Variants in MDM2 observed in about 807,000 individuals in gnomAD.
MDM2 encodes the protein MDM2 proto-oncogene.
In MDM2, 11 loss-of-function variants were observed where a neutral mutation model predicts 64.3. That is an observed-to-expected ratio of 0.17 (90% CI 0.11 to 0.28). The LOEUF is 0.28. Ranked by LOEUF, MDM2 falls within the 10% of genes least tolerant of loss-of-function variation. MDM2 has a pLI of 1.00. For synonymous variants in MDM2, 194 were observed against 192.9 expected, an observed-to-expected ratio of 1.01 and a Z score of -0.05; for missense variants, 388 against 577.1, an observed-to-expected ratio of 0.67 and a Z score of 3.36.
At chr12:68,820,173 G>A in intron 4 of MDM2, 152 bp from the exon 5 acceptor site, 3 of 551,194 alleles carry the variant, frequency 5.4e-6, no homozygotes, top group East Asian at 3.1e-5. Flanking sequence ...GCTTTTAAGT[G>A]CCTACAAGCT....
At chr12:68,833,321 A>G (rs1423992659) in intron 8 of MDM2, among the ~76,000 whole-genome samples, 2 of 132,104 alleles carry the variant, frequency 1.5e-5, no homozygotes, top group African/African-American at 5.4e-5. Flanking sequence ...AAATATAATT[A>G]TATAAATATA....
chr12:68,833,265 T>TTATATATTTATATAAATATAAA lies in MDM2; in HGVS notation c.685-2556_685-2535dup, dbSNP rs1882985730. ...TACATTGTTATATATATTTATATAA[T>TTATATATTTATATAAATATAAA]TATATATTTATATAAATATAAATAT... On this transcript the variant is annotated intron_variant, in intron 8 of 10. Coordinates refer to ENST00000258149, the MANE Select transcript of MDM2 (RefSeq NM_002392.6). Among the ~76,000 whole-genome samples the TTATATATTTATATAAATATAAA allele has an allele frequency of 5.7e-5, 3 of 52,518 alleles. 1 individual carries two copies. The highest frequency in any genetic ancestry group is 2.2e-4 in the African/African-American group (3 of 13,824). 34.5% of individuals were successfully genotyped at this position (52,518 alleles called of 152,430 possible).
At chr12:68,809,186 C>T (rs757799734) in intron 1 of MDM2, 22 bp from the exon 2 acceptor site, 1 of 1,607,700 alleles carries the variant, frequency 6.2e-7, no homozygotes. Context: ...CAGTTTTCAT[C>T]GTGTCTTTTT....
chr12:68,821,513 A>C (rs1881849319), intron 5 of MDM2, among the ~76,000 whole-genome samples: 1 of 152,124 alleles, frequency 6.6e-6, no homozygotes, highest in African/African-American at 2.4e-5. Flanking sequence ...ACTTGAGCCG[A>C]GGAGTTCAAG....
chr12:68,817,230 A>T (rs890706099), intron 4 of MDM2, among the ~76,000 whole-genome samples: 1 of 152,186 alleles, frequency 6.6e-6, no homozygotes, highest in South Asian at 2.1e-4. Flanking sequence ...TAAATACTTC[A>T]TGTGGAGGTT....
At position 68,845,203 on chromosome 12, in the gene MDM2, TATAAAAA is replaced by T. The variant is rs1197060140; in HGVS notation, c.*5355_*5361del. On this transcript the variant is annotated 3_prime_UTR_variant, in exon 11 of 11. Transcript: ENST00000258149. ...CTGAATTACATTTTGATTTGATACT[TATAAAAA>T]GAAAAAGTATTTCTTCAGCTTAAAA... 1.4e-5 allele frequency: 3 copies of T among 217,570 alleles called. No individual in the cohort carries two copies. Among genetic ancestry groups the T allele is most frequent in the African/African-American group, 7.2e-5 (3 of 41,688 alleles). The allele number at this position is 217,570 out of a possible 1,614,324, so 13.5% of individuals were successfully genotyped here.
intron 1 of MDM2, among the ~76,000 whole-genome samples, 172 bp downstream of exon 1, chr12:68,808,663 C>A (rs1307084226): frequency 6.7e-6 from 1 of 148,856 alleles, no homozygotes; most frequent in Non-Finnish European, 1.5e-5. Flanking sequence ...TTTTGTTGGA[C>A]TGGGGCTAGG....
chr12:68,828,896 A>C lies in MDM2; in HGVS notation c.649A>C (p.Ser217Arg), dbSNP rs758396646. 6 of 1,614,090 alleles carry C rather than the reference A, an allele frequency of 3.7e-6. No homozygotes were observed. The highest frequency in any genetic ancestry group is 5.1e-6 in the Non-Finnish European group (6 of 1,180,000). Residue 217 changes from serine (S) to arginine (R), a missense_variant, in exon 8 of 11, where the codon AGT (serine) becomes CGT (arginine). Ser to Arg is a moderately radical substitution (Grantham distance 110). This residue lies in a region of MDM2 where 168 missense variants were observed against 236.6 expected (regional missense o/e 0.71). Coordinates refer to ENST00000258149, the MANE Select transcript of MDM2 (RefSeq NM_002392.6). ...AAGGGAGATATGTTGTGAAAGAAGC[A>C]GTAGCAGTGAATCTACAGGGACGCC... ...VIREICCERS[S>R]SSESTGTPSN...
chr12:68,809,309 C>T lies in MDM2; in HGVS notation c.99+17C>T, dbSNP rs760909586. On this transcript the variant is annotated intron_variant, in intron 2 of 10. Coordinates refer to ENST00000258149, the MANE Select transcript of MDM2 (RefSeq NM_002392.6). Reference sequence around the variant, plus strand: ...GAGACCCTGGTTAGTATTTTTGTCTCGTGTAACTTTTAAGAATAATTTATT... The same window carrying T: ...GAGACCCTGGTTAGTATTTTTGTCTTGTGTAACTTTTAAGAATAATTTATT... 1 of 1,604,826 alleles carries T rather than the reference C, an allele frequency of 6.2e-7. No homozygotes were observed. Among genetic ancestry groups the T allele is most frequent in the South Asian group, 1.1e-5 (1 of 90,740 alleles).
intron 7 of MDM2, among the ~76,000 whole-genome samples, chr12:68,825,053 T>A (rs3730573): frequency 0.015 from 2,215 of 150,022 alleles, 53 homozygotes; most frequent in African/African-American, 0.051. Context: ...CTAAAAAAAA[T>A]ACAAAAAGTA....
At chr12:68,808,814 C>G in intron 1 of MDM2, 1 of 718,694 alleles carries the variant, frequency 1.4e-6, no homozygotes, top group Non-Finnish European at 1.7e-6. Context: ...CGCGGGAGGT[C>G]CGGATGATCG....
intron 7 of MDM2, among the ~76,000 whole-genome samples, chr12:68,826,747 A>C (rs1173488624): frequency 6.6e-6 from 1 of 152,190 alleles, no homozygotes; most frequent in Non-Finnish European, 1.5e-5. Flanking sequence ...TGTAATAAAA[A>C]ATTCAAAGAT....
At chr12:68,830,089 C>T (rs369796846) in intron 8 of MDM2, among the ~76,000 whole-genome samples, 3 of 151,402 alleles carry the variant, frequency 2.0e-5, no homozygotes, top group African/African-American at 7.3e-5. Context: ...TTTTTCTGCT[C>T]ATCAGCTATT....
At chr12:68,817,993 G>A (rs957723341) in intron 4 of MDM2, among the ~76,000 whole-genome samples, 3 of 151,894 alleles carry the variant, frequency 2.0e-5, no homozygotes, top group Non-Finnish European at 2.9e-5. Flanking sequence ...AGGGTTTCAC[G>A]ATGTTGACCA....
chr12:68,839,521 C>T lies in MDM2; in HGVS notation c.1166C>T (p.Thr389Ile), dbSNP rs2136178285. Residue 389 changes from threonine (T) to isoleucine (I), a missense_variant, in exon 11 of 11, where the codon ACA becomes ATA. Coordinates refer to ENST00000258149, the MANE Select transcript of MDM2 (RefSeq NM_002392.6). Reference sequence around the variant, plus strand: ...GTTGAGGAAAATGATGATAAAATTACACAAGCTTCACAATCACAAGAAAGT... The same window carrying T: ...GTTGAGGAAAATGATGATAAAATTATACAAGCTTCACAATCACAAGAAAGT... ...SCVEENDDKI[T>I]QASQSQESED... 6 of 1,613,864 alleles carry T rather than the reference C, an allele frequency of 3.7e-6. No individual in the cohort carries two copies. Among genetic ancestry groups the T allele is most frequent in the Non-Finnish European group, 5.1e-6 (6 of 1,180,014 alleles).
chr12:68,837,816 A>G (rs1449183436), intron 10 of MDM2, among the ~76,000 whole-genome samples: 1 of 150,936 alleles, frequency 6.6e-6, no homozygotes, highest in African/African-American at 2.5e-5. Context: ...TTTGTTCTTA[A>G]TATTGCCTTT....
At chr12:68,834,597 C>T (rs1384495574) in intron 8 of MDM2, among the ~76,000 whole-genome samples, 3 of 145,722 alleles carry the variant, frequency 2.1e-5, no homozygotes, top group Non-Finnish European at 4.5e-5. Context: ...ATTAGCCAGG[C>T]ATGGTGGCAT....
At chr12:68,838,086 C>T (rs1320362998) in intron 10 of MDM2, among the ~76,000 whole-genome samples, 2 of 152,062 alleles carry the variant, frequency 1.3e-5, no homozygotes, top group Middle Eastern at 3.4e-3. Context: ...ACTTTTACTC[C>T]CATATTGCAA....
downstream of MDM2, chr12:68,848,585 G>C (rs1455844233): frequency 6.6e-6 from 1 of 152,246 alleles, no homozygotes; most frequent in African/African-American, 2.4e-5. Context: ...TTGTAAGAGA[G>C]AGGGTCTTGG....
Sources: gnomAD v4.1 joint callset for allele counts (sites outside exome capture counted in the v4.1 genomes callset) on GRCh38, gnomAD v4.1.1 for gene constraint, gnomAD v4.1.1 regional missense constraint, MANE v1.5 for transcripts, NCBI Gene and HGNC (gene_info 2026-07-23, HGNC 2026-07-21) for gene names.